DLG2: variants seen among roughly 807,000 people sequenced by gnomAD.
DLG2 encodes disks large homolog 2.
DLG2 carries 45 observed loss-of-function variants against 132.5 expected under a neutral mutation model. That is an observed-to-expected ratio of 0.34 (90% confidence interval 0.27 to 0.44). DLG2 has a LOEUF of 0.44. Ranked by LOEUF, DLG2 falls within the 20% of genes least tolerant of loss-of-function variation. DLG2 has a pLI of 1.00. For missense variants in DLG2, 1,045 were observed against 1,196.9 expected (o/e 0.87, Z 1.87); for synonymous variants, 424 against 419.6 (o/e 1.01, Z -0.13).
At chr11:84,019,189 C>G (rs1025328522) in intron 11 of DLG2, among the ~76,000 whole-genome samples, 1 of 151,836 alleles carries the variant, frequency 6.6e-6, no homozygotes, top group Admixed American at 6.6e-5. Context: ...AATGCATACA[C>G]AATATGCCGT....
intron 2 of DLG2, among the ~76,000 whole-genome samples, chr11:85,611,970 G>A (rs921675531): frequency 6.6e-6 from 1 of 152,086 alleles, no homozygotes; most frequent in Non-Finnish European, 1.5e-5. Flanking sequence ...GAGAAAAAGA[G>A]AGATAGGAAG....
chr11:85,622,213 C>G (rs2081759259), intron 2 of DLG2, among the ~76,000 whole-genome samples: 1 of 152,100 alleles, frequency 6.6e-6, no homozygotes, highest in Non-Finnish European at 1.5e-5. Context: ...ACCTAATGGA[C>G]TATAGTATAG....
chr11:85,058,510 A>G (rs924074133), intron 6 of DLG2, among the ~76,000 whole-genome samples: 1 of 151,546 alleles, frequency 6.6e-6, no homozygotes, highest in African/African-American at 2.4e-5. Flanking sequence ...AAAATCGCAT[A>G]AAGGACATCT....
At chr11:85,131,575 A>C (rs1342985288) in intron 5 of DLG2, among the ~76,000 whole-genome samples, 1 of 152,144 alleles carries the variant, frequency 6.6e-6, no homozygotes, top group Admixed American at 6.5e-5. Flanking sequence ...GCAATTTTTA[A>C]AAGTAAAATA....
chr11:84,392,513 C>T (rs1046612348), intron 7 of DLG2, among the ~76,000 whole-genome samples: 3 of 152,248 alleles, frequency 2.0e-5, no homozygotes, highest in Non-Finnish European at 4.4e-5. Context: ...ATCATACTTA[C>T]GATGTTCAAG....
At position 83,790,882 on chromosome 11, in the gene DLG2, G is replaced by A. The variant is rs2041353738; in HGVS notation, c.1723-4090C>T. ...CAATAGCTACTTGATCCTTCCAAAGGACACATCCCCTCATCTAAAGGCACA... is the reference window on the plus strand; with the variant it reads ...CAATAGCTACTTGATCCTTCCAAAGAACACATCCCCTCATCTAAAGGCACA... On this transcript the variant is annotated intron_variant, in intron 17 of 27. Transcript: ENST00000376104. The A allele has an allele frequency of 4.0e-6, 3 of 753,380 alleles. No homozygotes were observed. The South Asian group carries it at 4.8e-5, about 12-fold the overall frequency. 46.7% of individuals were successfully genotyped at this position (753,380 alleles called of 1,614,324 possible). A position where few individuals can be genotyped will look rare whatever the true frequency, so the allele number is the denominator to read the frequency against.
intron 6 of DLG2, among the ~76,000 whole-genome samples, chr11:85,104,889 A>AC (rs2071462348): frequency 1.3e-5 from 2 of 150,046 alleles, no homozygotes; most frequent in African/African-American, 2.4e-5. Flanking sequence ...AAAAAAAAAA[A>AC]AAAAAAAAAA....
rs189335029 is a variant in DLG2 at position 85,421,345 on chromosome 11, T to C, written c.41-135980A>G. 4.6e-4 allele frequency among the ~76,000 whole-genome samples: 70 copies of C among 151,996 alleles called. 1 individual carries two copies. The highest frequency in any genetic ancestry group is 1.7e-3 in the African/African-American group (69 of 41,458). On this transcript the variant is annotated intron_variant, in intron 3 of 27. Coordinates refer to ENST00000376104, the MANE Select transcript of DLG2 (RefSeq NM_001142699.3). ...GGAAATGCAGAAATCACACCCCTCCTGCGTTGATCTCGCTGGGAGCTACAG... is the reference window on the plus strand; with the variant it reads ...GGAAATGCAGAAATCACACCCCTCCCGCGTTGATCTCGCTGGGAGCTACAG...
intron 6 of DLG2, among the ~76,000 whole-genome samples, chr11:85,102,703 C>G (rs528886164): frequency 6.6e-6 from 1 of 151,958 alleles, no homozygotes; most frequent in Non-Finnish European, 1.5e-5. Context: ...AGACTGAATA[C>G]TTTCCATCTA....
In DLG2 at chr11:83,917,656, A is replaced by G. The variant is rs530781068; in HGVS notation, c.1496+12672T>C. ...CCTCTGTCTGCCAGTTCTTCCGCAC[A>G]TATCCTTGAGCCTGAAGAAGAGCTT... On this transcript the variant is annotated intron_variant, in intron 15 of 27. Transcript: ENST00000376104. 2.0e-5 allele frequency among the ~76,000 whole-genome samples: 3 copies of G among 152,282 alleles called. No individual in the cohort carries two copies. The South Asian group carries it at 6.2e-4, about 32-fold the overall frequency.
chr11:85,284,577 C>T (rs1452422147), intron 4 of DLG2, among the ~76,000 whole-genome samples: 2 of 151,804 alleles, frequency 1.3e-5, no homozygotes, highest in East Asian at 1.9e-4. Flanking sequence ...AGGTATGAAC[C>T]TGAGACATGC....
At chr11:85,012,324 A>T (rs1228795419) in intron 6 of DLG2, among the ~76,000 whole-genome samples, 2 of 75,734 alleles carry the variant, frequency 2.6e-5, no homozygotes, top group Non-Finnish European at 4.6e-5. Flanking sequence ...CAGGAGATCG[A>T]GACCATCCTG....
At chr11:85,117,463 G>C (rs1277078749) in intron 5 of DLG2, among the ~76,000 whole-genome samples, 8 of 151,712 alleles carry the variant, frequency 5.3e-5, no homozygotes, top group African/African-American at 1.9e-4. Context: ...CTTCCTTTTT[G>C]GTTATTCTTA....
At chr11:84,861,407 C>T (rs1218583641) in intron 6 of DLG2, among the ~76,000 whole-genome samples, 1 of 151,934 alleles carries the variant, frequency 6.6e-6, no homozygotes, top group Non-Finnish European at 1.5e-5. Flanking sequence ...CTTTCTGAAT[C>T]TTGATTTCCT....
chr11:84,867,192 A>G (rs971192908), intron 6 of DLG2, among the ~76,000 whole-genome samples: 1 of 152,228 alleles, frequency 6.6e-6, no homozygotes, highest in African/African-American at 2.4e-5. Context: ...AGACACATAC[A>G]GAAACAAAAT....
chr11:85,591,482 T>G (rs1006958549), intron 3 of DLG2, among the ~76,000 whole-genome samples: 1 of 152,204 alleles, frequency 6.6e-6, no homozygotes, highest in African/African-American at 2.4e-5. Flanking sequence ...GGCTCACGCC[T>G]GTAATCCCAG....
At chr11:83,515,574 T>C (rs1351927335) in intron 21 of DLG2, among the ~76,000 whole-genome samples, 1 of 152,214 alleles carries the variant, frequency 6.6e-6, no homozygotes, top group African/African-American at 2.4e-5. Context: ...AACTTTTGAA[T>C]GTGTTTGCTC....
intron 20 of DLG2, among the ~76,000 whole-genome samples, chr11:83,537,990 G>A (rs941291359): frequency 1.3e-5 from 2 of 151,952 alleles, no homozygotes; most frequent in African/African-American, 4.8e-5. Context: ...TATAATTTAG[G>A]GTGGTCCTCA....
intron 18 of DLG2, among the ~76,000 whole-genome samples, chr11:83,636,783 G>A (rs890633944): frequency 1.1e-4 from 16 of 152,016 alleles, no homozygotes; most frequent in South Asian, 8.3e-4. Flanking sequence ...CCATGCTTTC[G>A]AAATGTTTTG....
Sources: allele counts gnomAD v4.1 joint callset (sites outside exome capture counted in the v4.1 genomes callset), GRCh38; gene constraint gnomAD v4.1.1; transcripts MANE v1.5; gene names NCBI Gene and HGNC (gene_info 2026-07-23, HGNC 2026-07-21).